Variants in TOPAZ1 observed in about 807,000 individuals in gnomAD.
TOPAZ1 encodes protein TOPAZ1.
A neutral mutation model predicts 172.2 loss-of-function variants in TOPAZ1; 66 were observed. The observed-to-expected ratio is 0.38, with a 90% CI of 0.31 to 0.47. The LOEUF is 0.47. Among genes scored for constraint, TOPAZ1 ranks in the 20% least tolerant of loss-of-function variants. The pLI is 0.99. For missense variants in TOPAZ1, 1,822 were observed against 1,972.4 expected (o/e 0.92, Z 1.44); for synonymous variants, 681 against 683.9 (o/e 1.00, Z 0.07).
intron 12 of TOPAZ1, among the ~76,000 whole-genome samples, chr3:44,298,929 T>TTTTTTTTTTTTTG (rs1559541961): frequency 1.9e-5 from 1 of 52,534 alleles, no homozygotes; most frequent in African/African-American, 6.5e-5. Flanking sequence ...TTTTTTTTTT[T>TTTTTTTTTTTTTG]TTTTTCCCCC....
intron 5 of TOPAZ1, among the ~76,000 whole-genome samples, chr3:44,263,828 C>G (rs1285439443): frequency 6.6e-6 from 1 of 152,088 alleles, no homozygotes; most frequent in Admixed American, 6.6e-5. Flanking sequence ...CTCTCTCTCC[C>G]CTTACTTGAA....
intron 9 of TOPAZ1, among the ~76,000 whole-genome samples, chr3:44,286,650 A>G (rs1700082208): frequency 6.6e-6 from 1 of 152,258 alleles, no homozygotes; most frequent in Non-Finnish European, 1.5e-5. Context: ...AGAAGTAATT[A>G]ACACAAAATA....
chr3:44,242,268 CAG>C lies in TOPAZ1; in HGVS notation c.216_217del (p.Ala74TrpfsTer33), dbSNP rs1353028681. On this transcript the variant is annotated frameshift_variant, in exon 1 of 20. Transcript: ENST00000309765. LOFTEE classifies it high-confidence loss of function. ...GAAAGTGATAAGTCGGTTGCAGCAT[CAG>C]GGGCTGGAAAGGCCGCAAGGCGTCA... 1 of 1,550,098 alleles carries C rather than the reference CAG, an allele frequency of 6.5e-7. No homozygotes were observed. Among genetic ancestry groups the C allele is most frequent in the South Asian group, 1.2e-5 (1 of 83,914 alleles).
At chr3:44,293,501 G>T (rs1700162497) in intron 12 of TOPAZ1, among the ~76,000 whole-genome samples, 2 of 152,060 alleles carry the variant, frequency 1.3e-5, no homozygotes, top group African/African-American at 4.8e-5. Context: ...GCATGTATTT[G>T]TGTCTTAGTT....
At chr3:44,275,977 C>G (rs1220582367) in intron 8 of TOPAZ1, among the ~76,000 whole-genome samples, 6 of 150,966 alleles carry the variant, frequency 4.0e-5, no homozygotes, top group African/African-American at 1.5e-4. Context: ...TTTCATATAC[C>G]TGTTAGCCAT....
chr3:44,243,145 C>T lies in TOPAZ1; in HGVS notation c.639C>T (p.Ile213=). The T allele has an allele frequency of 6.5e-7, 1 of 1,549,312 alleles. No homozygotes were observed. The highest frequency in any genetic ancestry group is 8.7e-7 in the Non-Finnish European group (1 of 1,145,656). Residue 213 remains isoleucine (I), a synonymous_variant, in exon 2 of 20, where the codon ATC becomes ATT. Transcript: ENST00000309765. ...YKNTPKYSCN[I]LSPEVENNSV... ...ATACTCCAAAATATTCTTGTAATAT[C>T]TTGTCACCTGAAGTAGAAAATAATT...
chr3:44,324,698 T>C (rs1700577891), intron 18 of TOPAZ1, among the ~76,000 whole-genome samples: 2 of 152,176 alleles, frequency 1.3e-5, no homozygotes, highest in Non-Finnish European at 2.9e-5. Context: ...ATTTAAAGTA[T>C]ACAAGTCAGT....
In TOPAZ1 at chr3:44,245,219, G is replaced by A. The variant is rs1323981281; in HGVS notation, c.2713G>A (p.Asp905Asn). The A allele has an allele frequency of 1.3e-6, 2 of 1,549,870 alleles. No homozygotes were observed. Among genetic ancestry groups the A allele is most frequent in the African/African-American group, 2.7e-5 (2 of 72,898 alleles). ...PNVAGEHQST[D>N]SKYMETPVKK... ...TGTTGCTGGAGAGCACCAATCAACA[G>A]ACTCCAAGTACATGGAAACTCCAGT... Residue 905 changes from aspartate to asparagine, a missense_variant, in exon 2 of 20, where the codon GAC becomes AAC. Asp to Asn is a conservative substitution (Grantham distance 23). Coordinates refer to ENST00000309765, the MANE Select transcript of TOPAZ1 (RefSeq NM_001145030.2).
chr3:44,312,125 C>T (rs1700403291), intron 16 of TOPAZ1, among the ~76,000 whole-genome samples: 1 of 148,716 alleles, frequency 6.7e-6, no homozygotes, highest in African/African-American at 2.5e-5. Context: ...CTTAAATGCT[C>T]ATTAAGGGAA....
At chr3:44,278,814 T>A (rs1699992022) in intron 8 of TOPAZ1, among the ~76,000 whole-genome samples, 1 of 151,922 alleles carries the variant, frequency 6.6e-6, no homozygotes, top group Non-Finnish European at 1.5e-5. Context: ...TCCTCCTTTT[T>A]TTTTTTTGTC....
chr3:44,291,553 A>T (rs1700137828), intron 12 of TOPAZ1, among the ~76,000 whole-genome samples: 1 of 151,992 alleles, frequency 6.6e-6, no homozygotes, highest in Non-Finnish European at 1.5e-5. Context: ...GTGAGCCGAG[A>T]TCGCACCACT....
At chr3:44,250,988 T>G (rs1189709353) in intron 2 of TOPAZ1, among the ~76,000 whole-genome samples, 1 of 152,198 alleles carries the variant, frequency 6.6e-6, no homozygotes, top group Non-Finnish European at 1.5e-5. Flanking sequence ...CACTACTACT[T>G]GCATAATAAT....
At position 44,295,145 on chromosome 3, in the gene TOPAZ1, T is replaced by C. The variant is rs1348025466; in HGVS notation, c.3797+4259T>C. 3.9e-5 allele frequency among the ~76,000 whole-genome samples: 6 copies of C among 152,318 alleles called. No individual in the cohort carries two copies. The South Asian group carries it at 6.2e-4, about 16-fold the overall frequency. ...TTTTGAGTATCTCTCTTTGTAGATA[T>C]ATATTTTTTAGTTGTTGCTCTAATG... is the stretch of plus-strand genomic sequence containing the variant. On this transcript the variant is annotated intron_variant, in intron 12 of 19. Coordinates refer to ENST00000309765, the MANE Select transcript of TOPAZ1 (RefSeq NM_001145030.2).
At chr3:44,245,493 A>G (rs1329250572) in intron 2 of TOPAZ1, among the ~76,000 whole-genome samples, 3 of 151,664 alleles carry the variant, frequency 2.0e-5, no homozygotes, top group Non-Finnish European at 4.4e-5. Context: ...GAAGATAGAA[A>G]AGATTAGCTG....
rs1027059516 is a variant in TOPAZ1 at position 44,269,228 on chromosome 3, T to C, written c.3173T>C (p.Leu1058Pro). Residue 1058 changes from leucine (L) to proline (P), a missense_variant, in exon 7 of 20, where the codon CTG (leucine) becomes CCG (proline). By Grantham distance (98) the Leu-to-Pro change is moderately conservative. This residue lies in a region of TOPAZ1 where 1,489 missense variants were observed against 1,490.8 expected (regional missense o/e 1.00). Transcript: ENST00000309765. ...AAATCATTTCTAGATTTCAGATTTC[T>C]GGGAAAACATTCTGTCCTAAAGCTG... ...LNTWMNDFRF[L>P]GKHSVLKLQN... 1 of 1,546,180 alleles carries C rather than the reference T, an allele frequency of 6.5e-7. No homozygotes were observed. Among genetic ancestry groups the C allele is most frequent in the Admixed American group, 2.0e-5 (1 of 50,860 alleles).
In TOPAZ1 at chr3:44,310,124, A is replaced by C. The variant is rs1700382197; in HGVS notation, c.4306+134A>C. On this transcript the variant is annotated intron_variant, in intron 16 of 19. Coordinates refer to ENST00000309765, the MANE Select transcript of TOPAZ1 (RefSeq NM_001145030.2). The stretch of plus-strand genomic sequence containing the variant: ...AAACCCTAGTGAACATGTGGGTAGG[A>C]AAGGTTGTCATGTAAACTGAAAGGG... The C allele has an allele frequency of 8.3e-6, 6 of 722,250 alleles. No homozygotes were observed. The South Asian group carries it at 1.3e-4, about 16-fold the overall frequency. 44.7% of individuals were successfully genotyped at this position (722,250 alleles called of 1,614,324 possible). A position where few individuals can be genotyped will look rare whatever the true frequency, so the allele number is the denominator to read the frequency against.
intron 1 of TOPAZ1, 71 bp from the exon 2 acceptor site, chr3:44,242,782 A>T: frequency 4.1e-6 from 5 of 1,228,422 alleles, no homozygotes; most frequent in Non-Finnish European, 5.5e-6. Flanking sequence ...CACAATTTTT[A>T]ATTTCAATGA....
At chr3:44,248,335 T>C (rs1699590264) in intron 2 of TOPAZ1, among the ~76,000 whole-genome samples, 1 of 152,266 alleles carries the variant, frequency 6.6e-6, no homozygotes, top group Non-Finnish European at 1.5e-5. Context: ...GATAGCTTTT[T>C]TGTTACTATC....
At chr3:44,246,503 C>T (rs1323572793) in intron 2 of TOPAZ1, among the ~76,000 whole-genome samples, 2 of 152,108 alleles carry the variant, frequency 1.3e-5, no homozygotes, top group Non-Finnish European at 2.9e-5. Flanking sequence ...AACTTATCAC[C>T]AAATATAATG....
Sources: allele counts gnomAD v4.1 joint callset (sites outside exome capture counted in the v4.1 genomes callset), GRCh38; gene constraint gnomAD v4.1.1; regional missense constraint gnomAD v4.1.1; transcripts MANE v1.5; gene names NCBI Gene and HGNC (gene_info 2026-07-23, HGNC 2026-07-21).